Variants in GPHN observed in about 807,000 individuals in gnomAD.
GPHN encodes gephyrin.
A neutral mutation model predicts 95.5 loss-of-function variants in GPHN; 17 were observed. The observed-to-expected ratio is 0.18, with a 90% confidence interval of 0.12 to 0.27. The LOEUF is 0.27. GPHN is among the 10% of genes least tolerant of loss of function. The probability of loss-of-function intolerance (pLI) is 1.00; values close to 1 mark genes in which losing one functional copy is unlikely to be tolerated. For synonymous variants in GPHN, 320 were observed against 322.5 expected (o/e 0.99, Z 0.08); for missense variants, 660 against 978.1 (o/e 0.67, Z 4.34).
At chr14:67,484,651 T>C in the GPHN span, among the ~76,000 whole-genome samples, 3 of 152,094 alleles carry the variant, frequency 2.0e-5, no homozygotes, top group African/African-American at 4.8e-5. Context: ...AGGCCGGGCA[T>C]GGGGGCTCAC....
chr14:67,385,517 C>T, the GPHN span: 1 of 151,960 alleles, frequency 6.6e-6, no homozygotes, highest in Non-Finnish European at 1.5e-5. Context: ...CATCTACTCC[C>T]TACTGTACCT....
chr14:67,121,858 T>A (rs1236254439), intron 16 of GPHN, among the ~76,000 whole-genome samples: 4 of 152,166 alleles, frequency 2.6e-5, no homozygotes, highest in Admixed American at 1.3e-4. Flanking sequence ...TGTTCAGACT[T>A]AAGGATATCA....
chr14:66,754,408 AATG>A (rs1298521891), intron 2 of GPHN, among the ~76,000 whole-genome samples: 3 of 152,008 alleles, frequency 2.0e-5, no homozygotes, highest in African/African-American at 4.8e-5. Flanking sequence ...CATAATACAG[AATG>A]ATAACTATAT....
intron 2 of GPHN, among the ~76,000 whole-genome samples, chr14:66,683,369 T>TATATATATGTTC (rs2067098358): frequency 1.2e-4 from 4 of 32,084 alleles, no homozygotes; most frequent in East Asian, 2.0e-3. Context: ...TATATATATA[T>TATATATATGTTC]ATATATATAT....
chr14:67,696,969 C>T, the GPHN span, among the ~76,000 whole-genome samples: 1 of 152,204 alleles, frequency 6.6e-6, no homozygotes, highest in Non-Finnish European at 1.5e-5. Context: ...ACCTAGCAAT[C>T]ATCACATTTT....
At chr14:67,690,446 G>A in the GPHN span, 9 of 1,598,818 alleles carry the variant, frequency 5.6e-6, no homozygotes, top group Non-Finnish European at 6.9e-6. Flanking sequence ...TAGAATTAAT[G>A]AAGTTCAGGG....
the GPHN span, among the ~76,000 whole-genome samples, chr14:67,602,375 G>A: frequency 2.6e-5 from 4 of 152,218 alleles, no homozygotes; most frequent in African/African-American, 9.6e-5. Flanking sequence ...AACAAGTGGA[G>A]ATTACAATTT....
chr14:67,510,603 G>C, the GPHN span, among the ~76,000 whole-genome samples: 2 of 152,230 alleles, frequency 1.3e-5, no homozygotes, highest in Non-Finnish European at 2.9e-5. Context: ...TGGAACCGCT[G>C]CTTGTGTTGC....
intron 9 of GPHN, among the ~76,000 whole-genome samples, chr14:66,997,060 T>C (rs2071854768): frequency 6.6e-6 from 1 of 152,048 alleles, no homozygotes; most frequent in Non-Finnish European, 1.5e-5. Flanking sequence ...CCTTGAAATA[T>C]GACAGGTAAA....
the GPHN span, chr14:67,695,528 C>T: frequency 8.6e-7 from 1 of 1,162,476 alleles, no homozygotes. Context: ...ATCTTGGAGC[C>T]CCCCCAGGGG....
At chr14:66,834,245 T>C (rs2061698948) in intron 4 of GPHN, among the ~76,000 whole-genome samples, 1 of 152,180 alleles carries the variant, frequency 6.6e-6, no homozygotes, top group African/African-American at 2.4e-5. Flanking sequence ...GCATTTAATT[T>C]TTCTACCAGG....
intron 5 of GPHN, among the ~76,000 whole-genome samples, chr14:66,886,536 TAAAG>T (rs1240917625): frequency 1.5e-5 from 2 of 132,200 alleles, no homozygotes; most frequent in African/African-American, 2.8e-5. Context: ...TTTAAAAAAA[TAAAG>T]AAGAAAAAAA....
At chr14:66,779,366 ATGT>A (rs765201865) in intron 3 of GPHN, among the ~76,000 whole-genome samples, 15 of 152,326 alleles carry the variant, frequency 9.8e-5, no homozygotes, top group South Asian at 6.2e-4. Context: ...ATATCATCAA[ATGT>A]TGTTAAAGGG....
intron 3 of GPHN, among the ~76,000 whole-genome samples, chr14:66,792,787 C>T (rs1417017917): frequency 1.3e-5 from 2 of 152,210 alleles, no homozygotes; most frequent in Non-Finnish European, 2.9e-5. Flanking sequence ...TCAAGGGTCT[C>T]ACAGCCTTCA....
At chr14:67,671,479 T>C in the GPHN span, among the ~76,000 whole-genome samples, 2 of 151,960 alleles carry the variant, frequency 1.3e-5, no homozygotes, top group East Asian at 1.9e-4. Flanking sequence ...TGAGCTGAGA[T>C]TGTACCACTG....
chr14:67,087,143 A>G (rs185483643), intron 11 of GPHN, among the ~76,000 whole-genome samples: 7 of 152,264 alleles, frequency 4.6e-5, no homozygotes, highest in Non-Finnish European at 8.8e-5. Context: ...TGATTCATAC[A>G]GTGTTAATAA....
intron 4 of GPHN, among the ~76,000 whole-genome samples, chr14:66,856,280 CTG>C (rs2062801622): frequency 6.6e-6 from 1 of 152,082 alleles, no homozygotes; most frequent in African/African-American, 2.4e-5. Context: ...GATCTCAACT[CTG>C]TGCTAATTCA....
the GPHN span, among the ~76,000 whole-genome samples, chr14:67,481,473 C>T: frequency 2.6e-5 from 4 of 152,116 alleles, no homozygotes; most frequent in East Asian, 7.7e-4. Context: ...CCATGCAAGA[C>T]CAACAGGGGA....
At chr14:67,688,952 CTGAA>C in the GPHN span, among the ~76,000 whole-genome samples, 3 of 152,270 alleles carry the variant, frequency 2.0e-5, no homozygotes, top group East Asian at 1.9e-4. Flanking sequence ...TGCTGAATGG[CTGAA>C]TGAATGAATC....
Sources: allele counts gnomAD v4.1 joint callset (sites outside exome capture counted in the v4.1 genomes callset), GRCh38; gene constraint gnomAD v4.1.1; transcripts MANE v1.5; gene names NCBI Gene and HGNC (gene_info 2026-07-23, HGNC 2026-07-21).